KALRN: variants seen among roughly 807,000 people sequenced by gnomAD.
KALRN encodes kalirin RhoGEF kinase.
KALRN carries 70 observed loss-of-function variants against 353.7 expected under a neutral mutation model. That is an observed-to-expected ratio of 0.20 (90% CI 0.16 to 0.24). KALRN has a LOEUF of 0.24. KALRN is among the 10% of genes least tolerant of loss of function. The probability of loss-of-function intolerance (pLI) is 1.00; values close to 1 mark genes in which losing one functional copy is unlikely to be tolerated. For synonymous variants in KALRN, 1,391 were observed against 1,434.8 expected (o/e 0.97, Z 0.69); for missense variants, 2,791 against 3,756.7 (o/e 0.74, Z 6.72).
chr3:124,698,131 G>A (rs1559864504), intron 55 of KALRN, among the ~76,000 whole-genome samples: 1 of 151,984 alleles, frequency 6.6e-6, no homozygotes, highest in Non-Finnish European at 1.5e-5. Flanking sequence ...ACCACACCCG[G>A]CTAATTTTTG....
chr3:124,214,070 T>C (rs151338621), intron 1 of KALRN, among the ~76,000 whole-genome samples: 147 of 152,212 alleles, frequency 9.7e-4, no homozygotes, highest in Non-Finnish European at 1.6e-3. Flanking sequence ...AAATCTGACA[T>C]AGAAAAAAAG....
Position 124,384,890 on chromosome 3 carries a change from T to C in KALRN, c.1816T>C (p.Leu606=). Residue 606 remains leucine, a synonymous_variant, in exon 11 of 60, where the codon TTG becomes CTG. Coordinates refer to ENST00000682506, the MANE Select transcript of KALRN (RefSeq NM_001388419.1). The stretch of plus-strand genomic sequence containing the variant: ...CAAGCTCCTAGAAGCAGCAGAGCAG[T>C]TGGCTCAGACGGGGGAATGTGACCC... ...ADKLLEAAEQ[L]AQTGECDPEE... 1 of 1,612,998 alleles carries C rather than the reference T, an allele frequency of 6.2e-7. No homozygotes were observed. The highest frequency in any genetic ancestry group is 8.5e-7 in the Non-Finnish European group (1 of 1,179,402).
At chr3:124,073,919 G>A (rs1027747322) in intron 1 of KALRN, among the ~76,000 whole-genome samples, 41 of 152,094 alleles carry the variant, frequency 2.7e-4, no homozygotes, top group African/African-American at 9.4e-4. Context: ...AGCCCAGAAT[G>A]GTGTAGTAAG....
chr3:124,327,983 T>C lies in KALRN; in HGVS notation c.1284+1812T>C, dbSNP rs1047382970. Among the ~76,000 whole-genome samples, 7 of 152,346 alleles carry C rather than the reference T, an allele frequency of 4.6e-5. No individual in the cohort carries two copies. The East Asian group carries it at 1.3e-3, about 29-fold the overall frequency. On this transcript the variant is annotated intron_variant, in intron 7 of 59. Transcript: ENST00000682506. ...GCTAATCATAAATGGCACAGGGCTG[T>C]GCTAAAGATACAACACGAGAGATGG...
rs1467330765 is a variant in KALRN at position 124,694,426 on chromosome 3, C to T, written c.7500C>T (p.Pro2500=). The change falls in exon 53 of 60, where the codon CCC becomes CCT. Residue 2500 remains proline (P), a synonymous_variant. Transcript: ENST00000682506. ...LQCKVCGRPK[P]TITWKGPDQN... is the part of the protein sequence containing the mutation. ...GCAAAGTCTGTGGGCGGCCAAAGCCCACCATCACTTGGAAGGGTCCAGACC... is the reference window on the plus strand; with the variant it reads ...GCAAAGTCTGTGGGCGGCCAAAGCCTACCATCACTTGGAAGGGTCCAGACC... The T allele has an allele frequency of 6.2e-7, 1 of 1,614,190 alleles. No homozygotes were observed. Among genetic ancestry groups the T allele is most frequent in the African/African-American group, 1.3e-5 (1 of 75,038 alleles).
At chr3:124,102,288 T>A (rs2061937947) in intron 1 of KALRN, among the ~76,000 whole-genome samples, 1 of 152,140 alleles carries the variant, frequency 6.6e-6, no homozygotes, top group African/African-American at 2.4e-5. Context: ...ACAGAACAAT[T>A]CCCTGTTGTT....
chr3:124,418,721 C>T (rs1424882994), intron 14 of KALRN, among the ~76,000 whole-genome samples: 1 of 152,194 alleles, frequency 6.6e-6, no homozygotes, highest in Non-Finnish European at 1.5e-5. Context: ...TTATTGTTAG[C>T]TGTGGCTTTT....
intron 34 of KALRN, among the ~76,000 whole-genome samples, chr3:124,607,130 A>G (rs2077427475): frequency 6.6e-6 from 1 of 152,268 alleles, no homozygotes; most frequent in Middle Eastern, 3.2e-3. Flanking sequence ...TTTTTGTAAT[A>G]GCGAACAAGA....
chr3:124,356,652 G>A (rs2083453160), intron 10 of KALRN, among the ~76,000 whole-genome samples: 2 of 152,192 alleles, frequency 1.3e-5, no homozygotes, highest in South Asian at 4.2e-4. Context: ...GGTCTTAATT[G>A]ACTGTTCTGA....
chr3:124,144,222 G>A (rs1354540298), intron 1 of KALRN, among the ~76,000 whole-genome samples: 2 of 152,128 alleles, frequency 1.3e-5, no homozygotes, highest in Non-Finnish European at 2.9e-5. Flanking sequence ...TTGGAGAGGA[G>A]GCTGGGAAGG....
chr3:124,597,115 G>A (rs1283736713), intron 34 of KALRN, among the ~76,000 whole-genome samples: 2 of 152,016 alleles, frequency 1.3e-5, no homozygotes, highest in East Asian at 3.9e-4. Context: ...ATGTCTCTGT[G>A]GACCTGTGCC....
intron 34 of KALRN, among the ~76,000 whole-genome samples, chr3:124,601,366 G>C (rs10512626): frequency 0.15 from 23,542 of 152,224 alleles, 1,949 homozygotes; most frequent in Middle Eastern, 0.19. Context: ...ATGTAGGATG[G>C]AAGTAGATTA....
chr3:124,532,636 T>C (rs1430033993), intron 33 of KALRN, among the ~76,000 whole-genome samples: 1 of 152,040 alleles, frequency 6.6e-6, no homozygotes, highest in Non-Finnish European at 1.5e-5. Context: ...TGAAACCCTG[T>C]CTCTACTAAA....
intron 10 of KALRN, among the ~76,000 whole-genome samples, chr3:124,361,280 C>T (rs185558378): frequency 3.4e-4 from 52 of 152,218 alleles, no homozygotes; most frequent in Non-Finnish European, 6.8e-4. Context: ...TGTTTAATTA[C>T]AAAGTTACAT....
At chr3:124,210,519 C>G (rs978133631) in intron 1 of KALRN, among the ~76,000 whole-genome samples, 1 of 152,166 alleles carries the variant, frequency 6.6e-6, no homozygotes, top group African/African-American at 2.4e-5. Flanking sequence ...TCTTCTACAG[C>G]AAAGCAGATT....
At chr3:124,196,629 A>G (rs1246884212) in intron 1 of KALRN, among the ~76,000 whole-genome samples, 1 of 152,140 alleles carries the variant, frequency 6.6e-6, no homozygotes, top group East Asian at 1.9e-4. Context: ...TTTCTTGATC[A>G]TCTAAATACA....
Position 124,657,497 on chromosome 3 carries a change from G to A in KALRN, c.5912G>A (p.Gly1971Glu), listed in dbSNP as rs1466957492. 5.0e-6 allele frequency: 8 copies of A among 1,614,012 alleles called. No individual in the cohort carries two copies. The highest frequency in any genetic ancestry group is 1.3e-5 in the African/African-American group (1 of 74,912). Residue 1971 changes from glycine to glutamate, a missense_variant, in exon 40 of 60, where the codon GGA becomes GAA. Around this residue, in one of 11 missense-constraint regions of KALRN, gnomAD observed 1,065 missense variants for 1,156.4 expected, o/e 0.92. Coordinates refer to ENST00000682506, the MANE Select transcript of KALRN (RefSeq NM_001388419.1). ...EEKGVPEDMR[G>E]KDKIVFGNIH... ...AAGGGTGTCCCTGAGGATATGCGAG[G>A]AAAGGACAAAATCGTGTTTGGAAAT... is the stretch of plus-strand genomic sequence containing the variant.
At chr3:124,345,236 T>C (rs1235408298) in intron 9 of KALRN, among the ~76,000 whole-genome samples, 1 of 152,228 alleles carries the variant, frequency 6.6e-6, no homozygotes, top group Non-Finnish European at 1.5e-5. Flanking sequence ...AAGGGATTGA[T>C]GAAAGTTTAT....
Position 124,287,493 on chromosome 3 carries a change from G to C in KALRN, c.970-11298G>C, listed in dbSNP as rs139985046. Among the ~76,000 whole-genome samples the C allele has an allele frequency of 2.9e-4, 44 of 151,212 alleles. No homozygotes were observed. The East Asian group carries it at 8.7e-3, about 30-fold the overall frequency. On this transcript the variant is annotated intron_variant, in intron 5 of 59. Transcript: ENST00000682506. ...CCCTCTGCTTGGCTTCTACTTCTCC[G>C]CTCCACAGTTAGGAAAATATCCTCA...
Sources: gnomAD v4.1 joint callset for allele counts (sites outside exome capture counted in the v4.1 genomes callset) on GRCh38, gnomAD v4.1.1 for gene constraint, gnomAD v4.1.1 regional missense constraint, MANE v1.5 for transcripts, NCBI Gene and HGNC (gene_info 2026-07-23, HGNC 2026-07-21) for gene names.